Variants in CSMD1 observed in about 807,000 individuals in gnomAD.
CSMD1 encodes the protein CUB and Sushi multiple domains 1, also known as CUB and sushi domain-containing protein 1.
Under a neutral mutation model 417.5 loss-of-function variants are expected in CSMD1, and 213 were observed. The observed-to-expected ratio is 0.51, with a 90% CI of 0.46 to 0.57. The LOEUF (loss-of-function observed/expected upper bound fraction) is 0.57. CSMD1 is among the 20% of genes least tolerant of loss of function. The probability of loss-of-function intolerance (pLI) is 0.00; values close to 1 mark genes in which losing one functional copy is unlikely to be tolerated. For missense variants in CSMD1, 6,923 were observed against 4,529.7 expected (o/e 1.53, Z -15.17); for synonymous variants, 2,862 against 1,736.8 (o/e 1.65, Z -16.11).
intron 1 of CSMD1, among the ~76,000 whole-genome samples, chr8:4,840,687 G>T (rs1331239582): frequency 1.3e-5 from 2 of 152,190 alleles, no homozygotes; most frequent in African/African-American, 4.8e-5. Flanking sequence ...TTATTACTCA[G>T]TGCCTGCAAG....
intron 1 of CSMD1, among the ~76,000 whole-genome samples, chr8:4,815,636 C>T (rs577139227): frequency 4.4e-4 from 59 of 134,540 alleles, no homozygotes; most frequent in Non-Finnish European, 7.6e-4. Flanking sequence ...ATGAAGGTTG[C>T]AGTGAACTGA....
At chr8:3,507,309 C>T (rs1796868660) in intron 10 of CSMD1, among the ~76,000 whole-genome samples, 1 of 152,138 alleles carries the variant, frequency 6.6e-6, no homozygotes. Flanking sequence ...TTAGCTTCAT[C>T]CATGTCCCTA....
intron 41 of CSMD1, among the ~76,000 whole-genome samples, chr8:3,122,116 C>T (rs540405262): frequency 6.6e-6 from 1 of 152,022 alleles, no homozygotes; most frequent in Non-Finnish European, 1.5e-5. Context: ...TTCTGATTAA[C>T]TCAGTGCTAT....
chr8:3,742,668 C>A (rs1796871304), intron 6 of CSMD1, among the ~76,000 whole-genome samples: 1 of 152,014 alleles, frequency 6.6e-6, no homozygotes. Flanking sequence ...CATACACCTA[C>A]ACTCAGAGTC....
intron 1 of CSMD1, among the ~76,000 whole-genome samples, chr8:4,643,556 T>A (rs1478135627): frequency 6.6e-6 from 1 of 152,102 alleles, no homozygotes; most frequent in African/African-American, 2.4e-5. Flanking sequence ...AATAAAATGG[T>A]CCATTGCGAT....
chr8:4,204,714 G>C (rs1281445328), intron 3 of CSMD1, among the ~76,000 whole-genome samples: 1 of 152,178 alleles, frequency 6.6e-6, no homozygotes, highest in Non-Finnish European at 1.5e-5. Context: ...GAATGCAGCA[G>C]TCAGATCATA....
At chr8:3,608,117 T>C (rs1584954301) in intron 8 of CSMD1, among the ~76,000 whole-genome samples, 1 of 145,106 alleles carries the variant, frequency 6.9e-6, no homozygotes, top group Non-Finnish European at 1.5e-5. Flanking sequence ...GAGGTTGCAG[T>C]GAGCCAAGAT....
At chr8:4,216,206 T>C (rs538959685) in intron 3 of CSMD1, among the ~76,000 whole-genome samples, 10 of 152,278 alleles carry the variant, frequency 6.6e-5, no homozygotes, top group African/African-American at 2.4e-4. Context: ...TGCGATGGCC[T>C]TCTTCCTTCC....
At chr8:4,985,006 T>C (rs927517685) in intron 1 of CSMD1, among the ~76,000 whole-genome samples, 1 of 152,166 alleles carries the variant, frequency 6.6e-6, no homozygotes, top group African/African-American at 2.4e-5. Flanking sequence ...AAAAATGTGA[T>C]GTAGCCATGG....
chr8:2,955,591 T>A lies in CSMD1; in HGVS notation c.9992A>T (p.Lys3331Ile). ...CCACTCCTTGATCAATGACTTACTT[T>A]TACACACAGGCGACTTTCCTGTCCA... ...MKWTGKSPVC[K>I]SKGVREVNET... The change falls in exon 64 of 70, where the codon AAA (lysine) becomes ATA (isoleucine). Residue 3331 changes from lysine (K) to isoleucine (I), a missense_variant and splice_region_variant. Coordinates refer to ENST00000635120, the MANE Select transcript of CSMD1 (RefSeq NM_033225.6). The A allele has an allele frequency of 6.2e-7, 1 of 1,613,352 alleles. No individual in the cohort carries two copies. Among genetic ancestry groups the A allele is most frequent in the East Asian group, 2.2e-5 (1 of 44,850 alleles).
chr8:3,646,907 G>C (rs756963331), intron 7 of CSMD1, among the ~76,000 whole-genome samples: 1 of 152,102 alleles, frequency 6.6e-6, no homozygotes, highest in Admixed American at 6.6e-5. Context: ...AGTAGGCTTA[G>C]GTAGGGCAGA....
At chr8:4,001,367 G>A (rs1815659707) in intron 4 of CSMD1, among the ~76,000 whole-genome samples, 1 of 152,116 alleles carries the variant, frequency 6.6e-6, no homozygotes, top group Non-Finnish European at 1.5e-5. Flanking sequence ...TTAGCCCCCT[G>A]GTTTCTCCAC....
intron 18 of CSMD1, among the ~76,000 whole-genome samples, chr8:3,387,029 G>A (rs1811045392): frequency 6.6e-6 from 1 of 152,164 alleles, no homozygotes; most frequent in African/African-American, 2.4e-5. Flanking sequence ...AAGATCTCCT[G>A]ACAGCTTCTG....
intron 16 of CSMD1, among the ~76,000 whole-genome samples, chr8:3,397,034 T>A (rs773781597): frequency 6.6e-6 from 1 of 152,184 alleles, no homozygotes; most frequent in Non-Finnish European, 1.5e-5. Flanking sequence ...TTTCTTATGC[T>A]TCCCGAGAAT....
At chr8:4,946,394 T>A (rs1808371067) in intron 1 of CSMD1, among the ~76,000 whole-genome samples, 1 of 152,140 alleles carries the variant, frequency 6.6e-6, no homozygotes, top group Non-Finnish European at 1.5e-5. Context: ...ATGAAGGAAC[T>A]AGGTCATCGG....
chr8:4,530,735 T>G (rs758686412), intron 2 of CSMD1, among the ~76,000 whole-genome samples: 1 of 151,226 alleles, frequency 6.6e-6, no homozygotes, highest in Non-Finnish European at 1.5e-5. Context: ...TTTCTTTATC[T>G]AGTATATCAC....
chr8:3,832,991 C>A (rs952047141), intron 5 of CSMD1, among the ~76,000 whole-genome samples: 1 of 152,120 alleles, frequency 6.6e-6, no homozygotes, highest in South Asian at 2.1e-4. Flanking sequence ...ACACTGTTTT[C>A]TTTTTATATT....
chr8:4,087,681 T>G (rs1800491168), intron 3 of CSMD1, among the ~76,000 whole-genome samples: 1 of 152,194 alleles, frequency 6.6e-6, no homozygotes, highest in Non-Finnish European at 1.5e-5. Flanking sequence ...TCATTCTTCC[T>G]CTCGTGTCTC....
chr8:4,206,592 A>G (rs984815581), intron 3 of CSMD1, among the ~76,000 whole-genome samples: 2 of 152,134 alleles, frequency 1.3e-5, no homozygotes, highest in Non-Finnish European at 2.9e-5. Flanking sequence ...TCATTGATGG[A>G]CATCTGGGTT....
Sources: gnomAD v4.1 joint callset for allele counts (sites outside exome capture counted in the v4.1 genomes callset) on GRCh38, gnomAD v4.1.1 for gene constraint, MANE v1.5 for transcripts, NCBI Gene and HGNC (gene_info 2026-07-23, HGNC 2026-07-21) for gene names.